Variants in MEF2C observed in about 807,000 individuals in gnomAD.
MEF2C encodes the protein myocyte-specific enhancer factor 2C.
MEF2C carries 6 observed loss-of-function variants against 50.5 expected under a neutral mutation model. The observed-to-expected ratio is 0.12, with a 90% CI of 0.07 to 0.23. MEF2C has a LOEUF of 0.23. MEF2C is among the 10% of genes least tolerant of loss of function. The pLI is 1.00. For missense variants in MEF2C, 276 were observed against 605.0 expected (o/e 0.46, Z 5.70); for synonymous variants, 183 against 228.0 (o/e 0.80, Z 1.78).
At chr5:88,902,268 A>G (rs1835744956) in intron 1 of MEF2C, among the ~76,000 whole-genome samples, 1 of 151,774 alleles carries the variant, frequency 6.6e-6, no homozygotes, top group Non-Finnish European at 1.5e-5. Flanking sequence ...AATCAATATA[A>G]TGAAACATAA....
chr5:88,733,056 CAT>C (rs1276001151), intron 6 of MEF2C: 1 of 984,100 alleles, frequency 1.0e-6, no homozygotes, highest in Non-Finnish European at 1.2e-6. Flanking sequence ...TCATGGAAAA[CAT>C]AAAGACCAAT....
At chr5:88,781,686 T>C (rs1177318786) in intron 3 of MEF2C, among the ~76,000 whole-genome samples, 1 of 152,158 alleles carries the variant, frequency 6.6e-6, no homozygotes, top group Non-Finnish European at 1.5e-5. Context: ...AGTGCACATG[T>C]CCTGGCTGGG....
chr5:88,768,231 T>C (rs1342757422), intron 3 of MEF2C, among the ~76,000 whole-genome samples: 2 of 152,216 alleles, frequency 1.3e-5, no homozygotes, highest in African/African-American at 2.4e-5. Context: ...AACAAAGCAC[T>C]TTGCTTTATT....
intron 6 of MEF2C, chr5:88,734,566 T>TG (rs1491291752): frequency 3.3e-5 from 8 of 242,408 alleles, no homozygotes; most frequent in Admixed American, 5.7e-4. Flanking sequence ...GAAAAGTTTG[T>TG]TTTTTTTTTT....
At position 88,722,429 on chromosome 5, in the gene MEF2C, A is replaced by G. The variant is rs980993234; in HGVS notation, c.*175T>C. 1.7e-6 allele frequency: 1 copy of G among 581,556 alleles called. No individual in the cohort carries two copies. The highest frequency in any genetic ancestry group is 3.0e-6 in the Non-Finnish European group (1 of 330,762). The allele number at this position is 581,556 out of a possible 1,614,324, so 36.0% of individuals were successfully genotyped here. A position where few individuals can be genotyped will look rare whatever the true frequency, so the allele number is the denominator to read the frequency against. The stretch of plus-strand genomic sequence containing the variant: ...TAAGCTTATCTCAGCATTTCTGTTT[A>G]TCTTTATACTGTATCACTGAGGCAA... On this transcript the variant is annotated 3_prime_UTR_variant, in exon 11 of 11. Coordinates refer to ENST00000504921, the MANE Select transcript of MEF2C (RefSeq NM_002397.5).
intron 1 of MEF2C, among the ~76,000 whole-genome samples, chr5:88,854,410 T>C (rs937808624): frequency 1.8e-4 from 27 of 152,134 alleles, no homozygotes; most frequent in African/African-American, 6.5e-4. Context: ...TTATCAAACT[T>C]GGAAAGATAC....
At chr5:88,838,046 A>T in intron 1 of MEF2C, among the ~76,000 whole-genome samples, 1 of 152,000 alleles carries the variant, frequency 6.6e-6, no homozygotes, top group East Asian at 1.9e-4. Context: ...ATCAATATCA[A>T]TATATCAATA....
At chr5:88,875,541 G>T (rs1290174394) in intron 1 of MEF2C, among the ~76,000 whole-genome samples, 1 of 151,906 alleles carries the variant, frequency 6.6e-6, no homozygotes, top group South Asian at 2.1e-4. Flanking sequence ...TGGGTGTGCT[G>T]GAGGTAGGGG....
intron 6 of MEF2C, chr5:88,735,713 C>CA: frequency 1.0e-6 from 1 of 985,310 alleles, no homozygotes; most frequent in Non-Finnish European, 1.2e-6. Flanking sequence ...TTTTTCTCCC[C>CA]AGTTAACTTG....
At chr5:88,751,153 A>G (rs1428386704) in intron 5 of MEF2C, 1 of 955,514 alleles carries the variant, frequency 1.0e-6, no homozygotes, top group Non-Finnish European at 1.2e-6. Context: ...ATTAAATACA[A>G]TTCATCATAA....
intron 1 of MEF2C, among the ~76,000 whole-genome samples, chr5:88,855,627 T>A (rs185420745): frequency 1.6e-3 from 245 of 152,176 alleles, no homozygotes; most frequent in Middle Eastern, 3.4e-3. Context: ...ATAGGGGAGG[T>A]TTCTCCCATA....
At chr5:88,735,670 A>T (rs1307349031) in intron 6 of MEF2C, 1 of 985,314 alleles carries the variant, frequency 1.0e-6, no homozygotes, top group Non-Finnish European at 1.2e-6. Flanking sequence ...GTGTCAATAC[A>T]TAGAACTTGA....
chr5:88,732,804 T>G (rs989513259), intron 6 of MEF2C, among the ~76,000 whole-genome samples: 1 of 152,228 alleles, frequency 6.6e-6, no homozygotes, highest in Non-Finnish European at 1.5e-5. Context: ...CTCCACTGCC[T>G]CTGAAGGGAG....
intron 1 of MEF2C, among the ~76,000 whole-genome samples, chr5:88,851,247 A>G (rs1425323648): frequency 6.6e-6 from 1 of 151,720 alleles, no homozygotes. Flanking sequence ...AAAAAAAAAA[A>G]AAAAAGAATG....
At chr5:88,847,583 A>C (rs1166642197) in intron 1 of MEF2C, among the ~76,000 whole-genome samples, 1 of 152,182 alleles carries the variant, frequency 6.6e-6, no homozygotes, top group Non-Finnish European at 1.5e-5. Flanking sequence ...TGACCTGGAC[A>C]ATATTTTAAG....
intron 1 of MEF2C, among the ~76,000 whole-genome samples, chr5:88,879,466 T>C (rs1290236754): frequency 1.3e-5 from 2 of 151,776 alleles, no homozygotes; most frequent in Non-Finnish European, 2.9e-5. Flanking sequence ...TAATTACACA[T>C]TTTTATGTAG....
intron 3 of MEF2C, among the ~76,000 whole-genome samples, chr5:88,783,661 C>T (rs1789373406): frequency 6.6e-6 from 1 of 151,986 alleles, no homozygotes. Flanking sequence ...AAAAATAAAA[C>T]AGACAGTCTA....
At chr5:88,803,479 T>C (rs1239490008) in intron 3 of MEF2C, among the ~76,000 whole-genome samples, 1 of 152,204 alleles carries the variant, frequency 6.6e-6, no homozygotes, top group Non-Finnish European at 1.5e-5. Flanking sequence ...GGAACCAGTC[T>C]AAGCAATGGC....
At chr5:88,785,682 G>A (rs1210752965) in intron 3 of MEF2C, 2 of 152,106 alleles carry the variant, frequency 1.3e-5, no homozygotes, top group South Asian at 4.1e-4. Context: ...ATTACACGAC[G>A]TACATTATTT....
Sources: gnomAD v4.1 joint callset for allele counts (sites outside exome capture counted in the v4.1 genomes callset) on GRCh38, gnomAD v4.1.1 for gene constraint, MANE v1.5 for transcripts, NCBI Gene and HGNC (gene_info 2026-07-23, HGNC 2026-07-21) for gene names.